ADGRB1: variants seen among roughly 807,000 people sequenced by gnomAD.
ADGRB1 encodes the protein brain-specific angiogenesis inhibitor 1.
ADGRB1 carries 36 observed loss-of-function variants against 175.7 expected under a neutral mutation model. The observed-to-expected ratio is 0.20, with a 90% CI of 0.16 to 0.27. ADGRB1 has a LOEUF of 0.27. ADGRB1 is among the 10% of genes least tolerant of loss of function. The pLI is 1.00. For synonymous variants in ADGRB1, 1,054 were observed against 979.4 expected (o/e 1.08, Z -1.42); for missense variants, 1,731 against 2,255.3 (o/e 0.77, Z 4.71).
chr8:142,527,499 G>A (rs1429905314), intron 24 of ADGRB1, among the ~76,000 whole-genome samples: 2 of 152,194 alleles, frequency 1.3e-5, no homozygotes, highest in South Asian at 4.2e-4. Context: ...TCTGGTCCTG[G>A]TTAGGAACCA....
Position 142,510,921 on chromosome 8 carries a change from C to T in ADGRB1, c.2676-11C>T. 1 of 1,096,008 alleles carries T rather than the reference C, an allele frequency of 9.1e-7. No homozygotes were observed. The highest frequency in any genetic ancestry group is 1.1e-6 in the Non-Finnish European group (1 of 893,080). The allele number at this position is 1,096,008 out of a possible 1,614,324, so 67.9% of individuals were successfully genotyped here. A position where few individuals can be genotyped will look rare whatever the true frequency, so the allele number is the denominator to read the frequency against. ...CCGCCTGTCTCCCTCCCGTGTCCCG[C>T]CCGCCCCCAGACCCTCCTCCTCCGC... On this transcript the variant is annotated splice_polypyrimidine_tract_variant and intron_variant, in intron 17 of 30. Transcript: ENST00000517894. The surrounding 1 kb of genome is among the most constrained non-coding windows in gnomAD (Gnocchi z 6.3).
Position 142,543,403 on chromosome 8 carries a change from C to T in ADGRB1, c.4414C>T (p.Arg1472Trp), listed in dbSNP as rs1463721916. 7.4e-6 allele frequency: 12 copies of T among 1,613,742 alleles called. No individual in the cohort carries two copies. The highest frequency in any genetic ancestry group is 1.0e-5 in the Non-Finnish European group (12 of 1,179,796). The change falls in exon 29 of 31, where the codon CGG becomes TGG. Residue 1472 changes from arginine (R) to tryptophan (W), a missense_variant and splice_region_variant. This residue lies in a region of ADGRB1 where 394 missense variants were observed against 410.2 expected (regional missense o/e 0.96). Transcript: ENST00000517894. This position sits in a 1 kb window ranked among gnomAD's most constrained non-coding sequence, Gnocchi z 4.4. ...GTTCGCAAACCCCTTCTCCCTGCAG[C>T]GGCGGAAGTCGCGGTATGCAGAACT... Reference protein sequence around the residue: ...VATLSVSSLERRKSRYAELDF... With the variant: ...VATLSVSSLEWRKSRYAELDF...
At chr8:142,451,637 G>A (rs999019004) in intron 1 of ADGRB1, among the ~76,000 whole-genome samples, 11 of 152,206 alleles carry the variant, frequency 7.2e-5, no homozygotes, top group South Asian at 4.1e-4. Context: ...GGAGACCCTC[G>A]GTACTCTCCC....
chr8:142,520,546 TG>T (rs1843772549), intron 19 of ADGRB1, among the ~76,000 whole-genome samples: 1 of 127,322 alleles, frequency 7.9e-6, no homozygotes, highest in Admixed American at 7.7e-5. Flanking sequence ...GATTGTGTGA[TG>T]ATGGTGATGA....
Position 142,455,036 on chromosome 8 carries a change from T to G in ADGRB1, c.-220+4932T>G, listed in dbSNP as rs528780751. 6.4e-4 allele frequency among the ~76,000 whole-genome samples: 97 copies of G among 151,674 alleles called. No homozygotes were observed. The highest frequency in any genetic ancestry group is 1.2e-3 in the Non-Finnish European group (84 of 67,894). Reference sequence around the variant, plus strand: ...CACCCACCCCTTCTGTCCCCTGTCCTGCTCATCGCCAGCCGCAGCACCCTC... The same window carrying G: ...CACCCACCCCTTCTGTCCCCTGTCCGGCTCATCGCCAGCCGCAGCACCCTC... On this transcript the variant is annotated intron_variant, in intron 1 of 30. Coordinates refer to ENST00000517894, the MANE Select transcript of ADGRB1 (RefSeq NM_001702.3). The surrounding 1 kb of genome is among the most constrained non-coding windows in gnomAD (Gnocchi z 4.9).
At chr8:142,485,576 C>G (rs1479580748) in intron 13 of ADGRB1, among the ~76,000 whole-genome samples, 1 of 152,222 alleles carries the variant, frequency 6.6e-6, no homozygotes, top group Non-Finnish European at 1.5e-5. Flanking sequence ...GTCACCTCCC[C>G]TGTGGGGATG....
intron 25 of ADGRB1, among the ~76,000 whole-genome samples, chr8:142,536,182 C>T (rs1376562456): frequency 2.0e-5 from 3 of 151,894 alleles, no homozygotes; most frequent in African/African-American, 7.3e-5. Context: ...TGGATGCCTC[C>T]TCCAGGAAGC....
At position 142,476,792 on chromosome 8, in the gene ADGRB1, T is replaced by A. The variant is rs1010392326; in HGVS notation, c.1057+97T>A. 2.5e-6 allele frequency: 3 copies of A among 1,224,328 alleles called. No homozygotes were observed. The African/African-American group carries it at 4.5e-5, about 19-fold the overall frequency. The allele number at this position is 1,224,328 out of a possible 1,614,324, so 75.8% of individuals were successfully genotyped here. A position where few individuals can be genotyped will look rare whatever the true frequency, so the allele number is the denominator to read the frequency against. ...GTTATGGGTAGTAACTTGAATAACA[T>A]GCCATAACTAGACTAAACCCTTAGG... is the stretch of plus-strand genomic sequence containing the variant. On this transcript the variant is annotated intron_variant, in intron 4 of 30. Transcript: ENST00000517894.
intron 2 of ADGRB1, among the ~76,000 whole-genome samples, chr8:142,471,225 C>T (rs1158931989): frequency 6.6e-6 from 1 of 152,212 alleles, no homozygotes; most frequent in Non-Finnish European, 1.5e-5. Context: ...GGATGGGGCC[C>T]CATGGGAATG....
chr8:142,484,978 G>A (rs776445571), intron 13 of ADGRB1, among the ~76,000 whole-genome samples: 3 of 152,202 alleles, frequency 2.0e-5, no homozygotes, highest in Non-Finnish European at 4.4e-5. Context: ...ACGGGGTGTG[G>A]ACCTGGGAGC....
chr8:142,529,920 G>A (rs1238240249), intron 24 of ADGRB1, among the ~76,000 whole-genome samples: 1 of 146,998 alleles, frequency 6.8e-6, no homozygotes, highest in Non-Finnish European at 1.5e-5. Context: ...GCATGCATCT[G>A]TGTGTGTACC....
chr8:142,512,972 G>A (rs1843184863), intron 18 of ADGRB1, among the ~76,000 whole-genome samples: 1 of 152,148 alleles, frequency 6.6e-6, no homozygotes, highest in African/African-American at 2.4e-5. Context: ...CAGCAGCGGG[G>A]GGCGGGGGTG....
At chr8:142,458,164 G>A (rs761512917) in intron 1 of ADGRB1, among the ~76,000 whole-genome samples, 34 of 152,206 alleles carry the variant, frequency 2.2e-4, no homozygotes, top group Admixed American at 7.2e-4. Context: ...GGTCGGGTCT[G>A]TCCAGTGTGG....
chr8:142,479,497 C>T lies in ADGRB1; in HGVS notation c.1726+10C>T, dbSNP rs756707866. ...ACCCAGCGGTGTCCCGGTGAGGCCC[C>T]TCCTACCTGGGCTGGGCTCTGGGGA... On this transcript the variant is annotated intron_variant, in intron 8 of 30. Transcript: ENST00000517894. 2 of 1,534,944 alleles carry T rather than the reference C, an allele frequency of 1.3e-6. 1 individual carries two copies. The highest frequency in any genetic ancestry group is 4.6e-5 in the Admixed American group (2 of 43,032).
chr8:142,454,610 C>A (rs1196810625), intron 1 of ADGRB1, among the ~76,000 whole-genome samples: 1 of 152,132 alleles, frequency 6.6e-6, no homozygotes, highest in Non-Finnish European at 1.5e-5. Context: ...GGCAGTGGGA[C>A]CCAGGGGGTG....
intron 2 of ADGRB1, 120 bp from the exon 3 acceptor site, chr8:142,475,354 C>T: frequency 9.5e-7 from 1 of 1,050,764 alleles, no homozygotes; most frequent in Non-Finnish European, 1.2e-6. Flanking sequence ...AGGCCTTCCC[C>T]GGCACTGCGG....
intron 24 of ADGRB1, among the ~76,000 whole-genome samples, chr8:142,532,562 G>A (rs1457690013): frequency 2.0e-5 from 3 of 152,128 alleles, no homozygotes; most frequent in African/African-American, 4.8e-5. Flanking sequence ...CCACGAAGAG[G>A]AGGAGGCGCC....
chr8:142,490,148 T>C (rs1841916947), intron 16 of ADGRB1, among the ~76,000 whole-genome samples: 1 of 152,154 alleles, frequency 6.6e-6, no homozygotes, highest in Non-Finnish European at 1.5e-5. Flanking sequence ...CCTTTCTAGC[T>C]GTGTGACCTT....
At position 142,521,985 on chromosome 8, in the gene ADGRB1, C is replaced by T. The variant is rs1255648897; in HGVS notation, c.3045C>T (p.Ala1015=). 8.1e-6 allele frequency: 13 copies of T among 1,600,876 alleles called. No homozygotes were observed. The highest frequency in any genetic ancestry group is 3.4e-5 in the Admixed American group (2 of 58,016). The part of the protein sequence containing the change: ...TRNKVVCTLV[A]AFLHFFFLSS... ...CACAGGTGGTGTGCACGCTGGTGGC[C>T]GCCTTCCTGCACTTCTTCTTCCTGT... Residue 1015 remains alanine, a synonymous_variant, in exon 21 of 31, where the codon GCC becomes GCT. Coordinates refer to ENST00000517894, the MANE Select transcript of ADGRB1 (RefSeq NM_001702.3).
Sources: allele counts gnomAD v4.1 joint callset (sites outside exome capture counted in the v4.1 genomes callset), GRCh38; gene constraint gnomAD v4.1.1; regional missense constraint gnomAD v4.1.1; non-coding constraint Gnocchi (gnomAD v3.1); transcripts MANE v1.5; gene names NCBI Gene and HGNC (gene_info 2026-07-23, HGNC 2026-07-21).